Variants in LAMC2 observed in about 807,000 individuals in gnomAD.
The protein encoded by LAMC2 is laminin subunit gamma-2.
In LAMC2, 97 loss-of-function variants were observed where a neutral mutation model predicts 140.2. That is an observed-to-expected ratio of 0.69 (90% CI 0.59 to 0.82). The LOEUF (loss-of-function observed/expected upper bound fraction) is 0.82. Ranked by LOEUF, LAMC2 falls within the 40% of genes least tolerant of loss-of-function variation. LAMC2 has a pLI of 0.00. For missense variants in LAMC2, 1,402 were observed against 1,476.1 expected, an observed-to-expected ratio of 0.95 and a Z score of 0.82; for synonymous variants, 513 against 540.2, an observed-to-expected ratio of 0.95 and a Z score of 0.70.
chr1:183,217,476 C>G (rs548305791), intron 3 of LAMC2, among the ~76,000 whole-genome samples: 1 of 152,340 alleles, frequency 6.6e-6, no homozygotes, highest in Non-Finnish European at 1.5e-5. Context: ...AAAACTTGTA[C>G]ACACACATTC....
At chr1:183,235,993 G>T (rs1407561909) in intron 16 of LAMC2, among the ~76,000 whole-genome samples, 2 of 152,172 alleles carry the variant, frequency 1.3e-5, no homozygotes, top group Non-Finnish European at 2.9e-5. Context: ...TCTGGTGTTT[G>T]AAGGGTGTGA....
chr1:183,220,899 C>T lies in LAMC2; in HGVS notation c.578C>T (p.Ser193Leu), dbSNP rs1457130957. 1 of 1,614,096 alleles carries T rather than the reference C, an allele frequency of 6.2e-7. No individual in the cohort carries two copies. Among genetic ancestry groups the T allele is most frequent in the South Asian group, 1.1e-5 (1 of 91,082 alleles). The change falls in exon 5 of 23, where the codon TCA becomes TTA. Residue 193 changes from serine (S) to leucine (L), a missense_variant. Ser to Leu is a moderately radical substitution (Grantham distance 145, BLOSUM62 -2). Coordinates refer to ENST00000264144, the MANE Select transcript of LAMC2 (RefSeq NM_005562.3). ...ACCCAGTGTTTCTGCTATGGGCATT[C>T]AGCCAGCTGCCGCAGCTCTGCAGAA... ...GCTQCFCYGH[S>L]ASCRSSAEYS...
rs185494444 is a variant in LAMC2, at chr1:183,236,142, A to G, written c.2457-318A>G. Reference sequence around the variant, plus strand: ...GGCTTATGTTTAGTGGAGAGGGACAAGTATCTGATAAATAATTTTGTTTGG... The same window carrying G: ...GGCTTATGTTTAGTGGAGAGGGACAGGTATCTGATAAATAATTTTGTTTGG... On this transcript the variant is annotated intron_variant, in intron 16 of 22. Coordinates refer to ENST00000264144, the MANE Select transcript of LAMC2 (RefSeq NM_005562.3). Among the ~76,000 whole-genome samples the G allele has an allele frequency of 1.6e-3, 241 of 152,238 alleles. 2 individuals carry two copies. Among genetic ancestry groups the G allele is most frequent in the East Asian group, 1.7e-3 (9 of 5,176 alleles).
chr1:183,238,453 A>G, intron 19 of LAMC2, 32 bp downstream of exon 19: 1 of 1,438,936 alleles, frequency 6.9e-7, no homozygotes, highest in Non-Finnish European at 9.8e-7. Flanking sequence ...TCACTTGAGT[A>G]TTTTAAGTGT....
chr1:183,201,157 C>T (rs982167524), intron 1 of LAMC2, among the ~76,000 whole-genome samples: 1 of 152,106 alleles, frequency 6.6e-6, no homozygotes, highest in African/African-American at 2.4e-5. Context: ...AGAAGTGTCC[C>T]TGGCTTTGTA....
intron 12 of LAMC2, 37 bp downstream of exon 12, chr1:183,231,140 G>C: frequency 6.2e-7 from 1 of 1,613,354 alleles, no homozygotes; most frequent in South Asian, 1.1e-5. Context: ...CAACCCCACA[G>C]AATCAAATCC....
At chr1:183,256,993 C>T in the LAMC2 span, among the ~76,000 whole-genome samples, 1 of 151,918 alleles carries the variant, frequency 6.6e-6, no homozygotes, top group African/African-American at 2.4e-5. Context: ...CTCAAGTGAT[C>T]GATCTGCCTT....
intron 14 of LAMC2, among the ~76,000 whole-genome samples, chr1:183,233,730 A>AT (rs1319513088): frequency 6.6e-6 from 1 of 151,548 alleles, no homozygotes; most frequent in Non-Finnish European, 1.5e-5. Flanking sequence ...ATATATTTTT[A>AT]TTTTTATTTT....
chr1:183,192,039 G>T (rs890382116), intron 1 of LAMC2, among the ~76,000 whole-genome samples: 1 of 152,194 alleles, frequency 6.6e-6, no homozygotes, highest in Admixed American at 6.5e-5. Flanking sequence ...AGTCTTTTCT[G>T]TCTGTGGGTG....
the LAMC2 span, among the ~76,000 whole-genome samples, chr1:183,256,710 T>C: frequency 1.3e-5 from 2 of 152,238 alleles, no homozygotes; most frequent in African/African-American, 4.8e-5. Context: ...TAATGTTTTA[T>C]TGAGGACTTT....
intron 1 of LAMC2, among the ~76,000 whole-genome samples, chr1:183,200,822 G>C (rs1264160808): frequency 2.6e-5 from 4 of 152,166 alleles, no homozygotes; most frequent in Non-Finnish European, 5.9e-5. Context: ...CCTGTGTCTG[G>C]CTGCCTGGCG....
chr1:183,191,818 C>T (rs1658344538), intron 1 of LAMC2, among the ~76,000 whole-genome samples: 1 of 151,134 alleles, frequency 6.6e-6, no homozygotes, highest in African/African-American at 2.4e-5. Context: ...AAGATCATGC[C>T]ACTGCACTCC....
chr1:183,208,766 G>A (rs1308393307), intron 2 of LAMC2, among the ~76,000 whole-genome samples: 2 of 152,134 alleles, frequency 1.3e-5, no homozygotes, highest in South Asian at 2.1e-4. Flanking sequence ...TGCAACCTCC[G>A]CCTCCTAGGT....
rs762028260 is a variant in LAMC2 at position 183,232,786 on chromosome 1, C to A, written c.2149C>A (p.Arg717=). 20 of 1,613,978 alleles carry A rather than the reference C, an allele frequency of 1.2e-5. No homozygotes were observed. In the South Asian group the frequency reaches 1.4e-4, roughly 12 times the overall value. The change falls in exon 14 of 23, where the codon CGG becomes AGG. Residue 717 remains arginine (R), a synonymous_variant. Transcript: ENST00000264144. ...ALGSQYQNRV[R]DTHRLITQMQ... is the part of the protein sequence containing the mutation. ...GGGAAGTCAGTACCAGAACCGAGTT[C>A]GGGATACTCACAGGCTCATCACTCA...
chr1:183,228,612 G>A lies in LAMC2; in HGVS notation c.1707G>A (p.Lys569=), dbSNP rs373067983. The change falls in exon 11 of 23, where the codon AAG becomes AAA. Residue 569 remains lysine (K), a synonymous_variant. Coordinates refer to ENST00000264144, the MANE Select transcript of LAMC2 (RefSeq NM_005562.3). This position sits in a 1 kb window ranked among gnomAD's most constrained non-coding sequence, Gnocchi z 4.3. ...CATTGGCTCCCAACCCAGCAGACAA[G>A]TGTCGAGGTAGGACTCCACCCCAGG... ...GDPLAPNPAD[K]CRACNCNPMG... is the part of the protein sequence containing the mutation. The A allele has an allele frequency of 2.5e-6, 4 of 1,613,922 alleles. No homozygotes were observed. In the African/African-American group the frequency reaches 4.0e-5, roughly 16 times the overall value.
chr1:183,207,589 C>A (rs555624085), intron 1 of LAMC2, among the ~76,000 whole-genome samples: 1 of 152,248 alleles, frequency 6.6e-6, no homozygotes, highest in Admixed American at 6.5e-5. Flanking sequence ...TGTAATTTAA[C>A]ATTTTGGGTT....
chr1:183,254,908 C>A, the LAMC2 span, among the ~76,000 whole-genome samples: 1 of 152,276 alleles, frequency 6.6e-6, no homozygotes, highest in African/African-American at 2.4e-5. Context: ...TGTACAGAAG[C>A]TTTTTAGTTT....
the LAMC2 span, among the ~76,000 whole-genome samples, chr1:183,255,142 A>C: frequency 6.6e-6 from 1 of 152,214 alleles, no homozygotes; most frequent in South Asian, 2.1e-4. Context: ...GTAGAAATCC[A>C]GTTTTTCCAG....
chr1:183,225,578 T>C (rs749071852), intron 7 of LAMC2, 30 bp from the exon 8 acceptor site: 10 of 1,471,166 alleles, frequency 6.8e-6, no homozygotes, highest in Non-Finnish European at 9.5e-6. Context: ...AGAATCGGAT[T>C]TTTAAAGCTT....
Sources: gnomAD v4.1 joint callset for allele counts (sites outside exome capture counted in the v4.1 genomes callset) on GRCh38, gnomAD v4.1.1 for gene constraint, Gnocchi (gnomAD v3.1) non-coding constraint, MANE v1.5 for transcripts, NCBI Gene and HGNC (gene_info 2026-07-23, HGNC 2026-07-21) for gene names.